The following CTNNA3 variants were observed in gnomAD, a reference collection of about 807,000 sequenced individuals.
CTNNA3 encodes the protein catenin alpha 3.
A neutral mutation model predicts 95.7 loss-of-function variants in CTNNA3; 76 were observed. The observed-to-expected ratio is 0.79, with a 90% confidence interval of 0.66 to 0.96. The LOEUF (loss-of-function observed/expected upper bound fraction) is 0.96. Ranked by LOEUF, CTNNA3 falls within the 40% of genes least tolerant of loss-of-function variation. The pLI, the probability that CTNNA3 is intolerant of heterozygous loss-of-function variation, is 0.00. For missense variants in CTNNA3, 1,191 were observed against 1,089.8 expected, an observed-to-expected ratio of 1.09 and a Z score of -1.31; for synonymous variants, 431 against 374.4, an observed-to-expected ratio of 1.15 and a Z score of -1.74.
intron 12 of CTNNA3, among the ~76,000 whole-genome samples, chr10:66,370,851 A>T (rs562559892): frequency 1.3e-5 from 2 of 152,268 alleles, no homozygotes; most frequent in African/African-American, 4.8e-5. Flanking sequence ...TTGGGACTAC[A>T]GGTGTGTACC....
At chr10:66,696,142 A>C (rs1274538758) in intron 9 of CTNNA3, among the ~76,000 whole-genome samples, 1 of 152,218 alleles carries the variant, frequency 6.6e-6, no homozygotes, top group East Asian at 1.9e-4. Context: ...ATCAAAATAT[A>C]AATCACACTT....
chr10:66,486,913 G>A (rs964493848), intron 11 of CTNNA3, among the ~76,000 whole-genome samples: 3 of 151,696 alleles, frequency 2.0e-5, no homozygotes, highest in Non-Finnish European at 2.9e-5. Flanking sequence ...ACACGGACCC[G>A]AAATACATTA....
intron 1 of CTNNA3, among the ~76,000 whole-genome samples, chr10:67,738,232 G>A (rs938775061): frequency 6.6e-5 from 10 of 152,168 alleles, no homozygotes; most frequent in Non-Finnish European, 2.9e-5. Context: ...CCAGAGGAAG[G>A]ATCAGGCAGC....
At chr10:67,449,865 A>C (rs1589301552) in intron 5 of CTNNA3, among the ~76,000 whole-genome samples, 3 of 152,282 alleles carry the variant, frequency 2.0e-5, no homozygotes, top group African/African-American at 7.2e-5. Flanking sequence ...CAATAAACAG[A>C]CAACCTAAAT....
intron 7 of CTNNA3, among the ~76,000 whole-genome samples, chr10:66,966,485 A>ATT (rs35922630): frequency 2.7e-5 from 4 of 150,682 alleles, no homozygotes; most frequent in Admixed American, 6.6e-5. Context: ...TATGTAATAT[A>ATT]TTTTTTTTTT....
chr10:66,419,536 C>G (rs2093174387), intron 11 of CTNNA3, among the ~76,000 whole-genome samples: 1 of 152,076 alleles, frequency 6.6e-6, no homozygotes, highest in South Asian at 2.1e-4. Flanking sequence ...ATAGAAAAAA[C>G]AATCCTACAA....
chr10:67,617,268 A>C (rs1204812999), intron 2 of CTNNA3, among the ~76,000 whole-genome samples: 1 of 152,072 alleles, frequency 6.6e-6, no homozygotes, highest in Non-Finnish European at 1.5e-5. Context: ...CCACCCTCTT[A>C]TAGGACCCAG....
intron 7 of CTNNA3, among the ~76,000 whole-genome samples, chr10:66,809,131 T>G (rs1221955057): frequency 1.3e-5 from 2 of 152,150 alleles, no homozygotes; most frequent in African/African-American, 4.8e-5. Flanking sequence ...CATTTGGAAA[T>G]TCTCAAACAC....
chr10:67,250,414 A>T (rs543663919), intron 5 of CTNNA3, among the ~76,000 whole-genome samples: 7 of 152,014 alleles, frequency 4.6e-5, no homozygotes, highest in South Asian at 4.1e-4. Flanking sequence ...ATGGGGTTTC[A>T]CTGTGTTAGC....
rs1374267752 is a variant in CTNNA3 at position 66,659,557 on chromosome 10, G to GT, written c.1282-37774dup. Among the ~76,000 whole-genome samples the GT allele has an allele frequency of 5.3e-5, 8 of 152,200 alleles. 1 individual carries two copies. The highest frequency in any genetic ancestry group is 7.4e-5 in the Non-Finnish European group (5 of 67,996). The stretch of plus-strand genomic sequence containing the variant: ...TGGAGCTGCTATGGTCTGAATGCTT[G>GT]TTTTTTTACAAATATTCATATGTTT... On this transcript the variant is annotated intron_variant, in intron 9 of 17. Coordinates refer to ENST00000433211, the MANE Select transcript of CTNNA3 (RefSeq NM_013266.4).
intron 1 of CTNNA3, among the ~76,000 whole-genome samples, chr10:67,715,879 T>C (rs755200548): frequency 2.6e-5 from 4 of 151,926 alleles, no homozygotes; most frequent in Non-Finnish European, 4.4e-5. Flanking sequence ...GGGGCAGGTA[T>C]TTTTTTTAAA....
chr10:67,279,855 A>T (rs918674308), intron 5 of CTNNA3, among the ~76,000 whole-genome samples: 15 of 150,334 alleles, frequency 1.0e-4, no homozygotes, highest in Non-Finnish European at 2.2e-4. Context: ...GATAAGGTTT[A>T]CTAGGGGAGG....
At chr10:66,783,048 G>C (rs540952813) in intron 7 of CTNNA3, among the ~76,000 whole-genome samples, 2 of 152,248 alleles carry the variant, frequency 1.3e-5, no homozygotes, top group African/African-American at 2.4e-5. Context: ...AACTCTAACA[G>C]TGTGTGGCAT....
intron 5 of CTNNA3, among the ~76,000 whole-genome samples, chr10:67,237,012 T>C (rs1017381737): frequency 6.7e-6 from 1 of 150,372 alleles, no homozygotes; most frequent in Admixed American, 6.7e-5. Context: ...AGTCATTACA[T>C]GAAAAAGATA....
intron 1 of CTNNA3, among the ~76,000 whole-genome samples, chr10:67,687,973 C>T (rs774079169): frequency 5.3e-5 from 8 of 152,262 alleles, no homozygotes; most frequent in Middle Eastern, 3.4e-3. Flanking sequence ...CCCCTTTCTT[C>T]GACTGTCATT....
At chr10:67,596,942 C>T (rs2394406) in intron 3 of CTNNA3, among the ~76,000 whole-genome samples, 22,083 of 152,194 alleles carry the variant, frequency 0.15, 1,876 homozygotes, top group East Asian at 0.3. Flanking sequence ...TCCCATATTT[C>T]TCAGAGGTTT....
intron 10 of CTNNA3, among the ~76,000 whole-genome samples, chr10:66,535,072 A>T (rs1248950886): frequency 6.6e-6 from 1 of 152,076 alleles, no homozygotes. Flanking sequence ...TACTGCAGTG[A>T]TGCACTACTT....
intron 7 of CTNNA3, among the ~76,000 whole-genome samples, chr10:67,073,068 C>G (rs1856553361): frequency 1.3e-5 from 2 of 152,202 alleles, no homozygotes; most frequent in Admixed American, 1.3e-4. Flanking sequence ...TCAGACCACA[C>G]TCAGAATAAG....
At chr10:66,137,317 C>T (rs929772260) in intron 13 of CTNNA3, among the ~76,000 whole-genome samples, 7 of 151,890 alleles carry the variant, frequency 4.6e-5, no homozygotes, top group Admixed American at 3.3e-4. Context: ...CAGGAAAATC[C>T]AGAATGTTAG....
Sources: allele counts gnomAD v4.1 joint callset (sites outside exome capture counted in the v4.1 genomes callset), GRCh38; gene constraint gnomAD v4.1.1; transcripts MANE v1.5; gene names NCBI Gene and HGNC (gene_info 2026-07-23, HGNC 2026-07-21).